The following RPAP2 variants were observed in gnomAD, a reference collection of about 807,000 sequenced individuals.
RPAP2 encodes the protein RNA polymerase II associated protein 2, also known as putative RNA polymerase II subunit B1 CTD phosphatase RPAP2.
A neutral mutation model predicts 73.1 loss-of-function variants in RPAP2; 52 were observed. That is an observed-to-expected ratio of 0.71 (90% confidence interval 0.57 to 0.90). The LOEUF (loss-of-function observed/expected upper bound fraction) is 0.90. Among genes scored for constraint, RPAP2 ranks in the 40% least tolerant of loss-of-function variants. RPAP2 has a pLI of 0.00. For synonymous variants in RPAP2, 225 were observed against 242.1 expected, an observed-to-expected ratio of 0.93 and a Z score of 0.65; for missense variants, 598 against 701.8, an observed-to-expected ratio of 0.85 and a Z score of 1.67.
chr1:92,322,827 A>C (rs1380575728), intron 7 of RPAP2, among the ~76,000 whole-genome samples: 2 of 150,332 alleles, frequency 1.3e-5, no homozygotes. Context: ...CAGTGAGCTG[A>C]GTTCACACCA....
chr1:92,343,628 A>G (rs1220617006), intron 10 of RPAP2, among the ~76,000 whole-genome samples: 1 of 152,234 alleles, frequency 6.6e-6, no homozygotes, highest in Non-Finnish European at 1.5e-5. Context: ...TAATTTATTC[A>G]AAAAGTATTA....
intron 11 of RPAP2, among the ~76,000 whole-genome samples, chr1:92,373,764 A>T (rs897258481): frequency 1.4e-5 from 2 of 147,828 alleles, no homozygotes; most frequent in African/African-American, 5.0e-5. Context: ...AAAAAAAAAA[A>T]AAAAAAGTAG....
intron 6 of RPAP2, among the ~76,000 whole-genome samples, chr1:92,310,788 T>G (rs72958791): frequency 0.041 from 6,255 of 152,030 alleles, 458 homozygotes; most frequent in African/African-American, 0.14. Context: ...CCCCAGCTAC[T>G]TGGGAGGCTG....
rs1571153893 is a variant in RPAP2 at position 92,383,664 on chromosome 1, G to A, written c.1838+2791G>A. 2.6e-5 allele frequency among the ~76,000 whole-genome samples: 4 copies of A among 152,030 alleles called. No individual in the cohort carries two copies. The South Asian group carries it at 6.2e-4, about 24-fold the overall frequency. Reference sequence around the variant, plus strand: ...TGCTTATCAGCTTGAGGAGATTTTGGGCTGAGACGATGGGGTTTTCTAGAT... The same window carrying A: ...TGCTTATCAGCTTGAGGAGATTTTGAGCTGAGACGATGGGGTTTTCTAGAT... On this transcript the variant is annotated intron_variant, in intron 12 of 12. Transcript: ENST00000610020.
At chr1:92,303,649 T>C (rs1323112428) in intron 3 of RPAP2, among the ~76,000 whole-genome samples, 2 of 152,210 alleles carry the variant, frequency 1.3e-5, no homozygotes, top group Non-Finnish European at 1.5e-5. Context: ...TAAAAGATAC[T>C]GTTGTCATTT....
In RPAP2 at chr1:92,345,905, T is replaced by C; in HGVS notation, c.1679T>C (p.Leu560Ser). 1 of 1,600,928 alleles carries C rather than the reference T, an allele frequency of 6.2e-7. No individual in the cohort carries two copies. Among genetic ancestry groups the C allele is most frequent in the Non-Finnish European group, 8.6e-7 (1 of 1,169,038 alleles). Reference sequence around the variant, plus strand: ...GAATGGACTTTAATTGCTATGGTGTTGCTGTCATTGTAAGTACTCTCTCAG... The same window carrying C: ...GAATGGACTTTAATTGCTATGGTGTCGCTGTCATTGTAAGTACTCTCTCAG... ...PAEWTLIAMV[L>S]LSLLTPILGI... Residue 560 changes from leucine (L) to serine (S), a missense_variant, in exon 11 of 13, where the codon TTG becomes TCG. Physicochemically the swap from Leu to Ser is moderately radical, Grantham distance 145 (BLOSUM62 -2). Transcript: ENST00000610020.
intron 5 of RPAP2, among the ~76,000 whole-genome samples, chr1:92,305,413 A>G (rs1266618531): frequency 1.4e-5 from 2 of 139,566 alleles, no homozygotes; most frequent in East Asian, 2.1e-4. Context: ...AGCCGGGGCA[A>G]CAGAGTGAGG....
At chr1:92,382,726 T>A (rs532207196) in intron 12 of RPAP2, among the ~76,000 whole-genome samples, 1 of 152,256 alleles carries the variant, frequency 6.6e-6, no homozygotes, top group Non-Finnish European at 1.5e-5. Context: ...GGTTGCCTGT[T>A]CACTCTGATG....
chr1:92,335,653 A>C (rs1342940396), intron 9 of RPAP2, among the ~76,000 whole-genome samples: 3 of 152,282 alleles, frequency 2.0e-5, no homozygotes, highest in South Asian at 2.1e-4. Flanking sequence ...AAATAGGATA[A>C]TACTATGTAC....
intron 11 of RPAP2, among the ~76,000 whole-genome samples, chr1:92,370,205 T>C (rs937425021): frequency 2.0e-5 from 3 of 152,080 alleles, no homozygotes; most frequent in Admixed American, 6.6e-5. Context: ...TATATTTCTG[T>C]GGGGTTGGAC....
intron 7 of RPAP2, among the ~76,000 whole-genome samples, chr1:92,322,512 C>A (rs1652338506): frequency 6.6e-6 from 1 of 151,156 alleles, no homozygotes; most frequent in African/African-American, 2.4e-5. Flanking sequence ...CCACTGCGCT[C>A]CAGCCTGGGT....
intron 8 of RPAP2, among the ~76,000 whole-genome samples, chr1:92,332,543 A>G (rs1557607001): frequency 6.6e-6 from 1 of 152,174 alleles, no homozygotes. Context: ...GGATGATGTT[A>G]TCTTCCTCTA....
chr1:92,381,181 A>G (rs1422947647), intron 12 of RPAP2, among the ~76,000 whole-genome samples: 2 of 152,148 alleles, frequency 1.3e-5, no homozygotes, highest in African/African-American at 2.4e-5. Context: ...CCCATCTGAT[A>G]AGTTTCTTCC....
Position 92,300,216 on chromosome 1 carries a change from G to T in RPAP2, c.96G>T (p.Leu32Phe). Residue 32 changes from leucine to phenylalanine, a missense_variant, in exon 2 of 13, where the codon TTG becomes TTT. By Grantham distance (22) the Leu-to-Phe change is conservative. This residue lies in a region of RPAP2 where 77 missense variants were observed against 55.7 expected (regional missense o/e 1.38). Transcript: ENST00000610020. ...KAAGTKQTSTLKQEDASKRKA... is the reference protein window; with the variant it reads ...KAAGTKQTSTFKQEDASKRKA... ...TAGGTACTAAACAGACAAGTACTTT[G>T]AAACAAGAAGATGCTTCTAAAAGGT... 1 of 1,610,166 alleles carries T rather than the reference G, an allele frequency of 6.2e-7. No individual in the cohort carries two copies. Among genetic ancestry groups the T allele is most frequent in the Non-Finnish European group, 8.5e-7 (1 of 1,176,878 alleles).
chr1:92,381,608 G>A (rs1571150730), intron 12 of RPAP2, among the ~76,000 whole-genome samples: 2 of 83,140 alleles, frequency 2.4e-5, no homozygotes, highest in African/African-American at 4.6e-5. Flanking sequence ...TTTTTTTAAC[G>A]TTTTTTAAAT....
In RPAP2 at chr1:92,303,534, T is replaced by C. The variant is rs529556637; in HGVS notation, c.235-443T>C. Among the ~76,000 whole-genome samples the C allele has an allele frequency of 8.5e-5, 13 of 152,238 alleles. No homozygotes were observed. The South Asian group carries it at 2.3e-3, about 27-fold the overall frequency. On this transcript the variant is annotated intron_variant, in intron 3 of 12. Coordinates refer to ENST00000610020, the MANE Select transcript of RPAP2 (RefSeq NM_024813.3). ...CTGTGTTCTGCAGTAACAATGACAC[T>C]TTTGAAATACTTTGTTTTTAAAGAT...
rs186596095 is a variant in RPAP2, at chr1:92,324,032, A to G, written c.1112A>G (p.Lys371Arg). ...VGKRNLLKVLKETLIEWKTEE... is the reference protein window; with the variant it reads ...VGKRNLLKVLRETLIEWKTEE... Reference sequence around the variant, plus strand: ...AAGAGAAACTTACTTAAAGTTTTGAAGGAGACTTTGATTGAGTGGAAGACA... The same window carrying G: ...AAGAGAAACTTACTTAAAGTTTTGAGGGAGACTTTGATTGAGTGGAAGACA... Residue 371 changes from lysine to arginine, a missense_variant, in exon 8 of 13, where the codon AAG becomes AGG. Lys to Arg is a conservative substitution (Grantham distance 26). Coordinates refer to ENST00000610020, the MANE Select transcript of RPAP2 (RefSeq NM_024813.3). 13 of 1,613,950 alleles carry G rather than the reference A, an allele frequency of 8.1e-6. No individual in the cohort carries two copies. In the East Asian group the frequency reaches 2.9e-4, roughly 36 times the overall value.
intron 11 of RPAP2, among the ~76,000 whole-genome samples, chr1:92,359,553 C>A (rs1302301487): frequency 6.6e-6 from 1 of 152,194 alleles, no homozygotes; most frequent in Non-Finnish European, 1.5e-5. Context: ...CTTCTGACCT[C>A]AGATGATTCA....
At chr1:92,347,336 T>C (rs1653954621) in intron 11 of RPAP2, among the ~76,000 whole-genome samples, 1 of 150,394 alleles carries the variant, frequency 6.6e-6, no homozygotes, top group Non-Finnish European at 1.5e-5. Context: ...AAAATATCAG[T>C]ATCTCTGCTC....
Sources: allele counts gnomAD v4.1 joint callset (sites outside exome capture counted in the v4.1 genomes callset), GRCh38; gene constraint gnomAD v4.1.1; regional missense constraint gnomAD v4.1.1; transcripts MANE v1.5; gene names NCBI Gene and HGNC (gene_info 2026-07-23, HGNC 2026-07-21).